The following SH3GL2 variants were observed in gnomAD, a reference collection of about 807,000 sequenced individuals.
SH3GL2 encodes endophilin-A1.
SH3GL2 carries 24 observed loss-of-function variants against 46.0 expected under a neutral mutation model. That is an observed-to-expected ratio of 0.52 (90% CI 0.38 to 0.73). The LOEUF is 0.73. SH3GL2 is among the 30% of genes least tolerant of loss of function. SH3GL2 has a pLI of 0.00. For missense variants in SH3GL2, 413 were observed against 424.2 expected, an observed-to-expected ratio of 0.97 and a Z score of 0.23; for synonymous variants, 196 against 147.1, an observed-to-expected ratio of 1.33 and a Z score of -2.40.
At chr9:17,636,255 C>T (rs1476445772) in intron 1 of SH3GL2, among the ~76,000 whole-genome samples, 1 of 152,116 alleles carries the variant, frequency 6.6e-6, no homozygotes, top group Non-Finnish European at 1.5e-5. Flanking sequence ...GGCCCTAGCA[C>T]AGAACTTGCC....
At position 17,640,979 on chromosome 9, in the gene SH3GL2, A is replaced by G. The variant is rs527696256; in HGVS notation, c.45+61692A>G. ...TGATAGAGATTATCTAAACTTAGGC[A>G]TAAATAATAAGTAAAACTCTGAATT... On this transcript the variant is annotated intron_variant, in intron 1 of 8. Coordinates refer to ENST00000380607, the MANE Select transcript of SH3GL2 (RefSeq NM_003026.5). 3.9e-5 allele frequency among the ~76,000 whole-genome samples: 6 copies of G among 152,346 alleles called. No homozygotes were observed. The South Asian group carries it at 1.2e-3, about 32-fold the overall frequency.
intron 1 of SH3GL2, among the ~76,000 whole-genome samples, chr9:17,672,508 G>A (rs994670580): frequency 1.3e-5 from 2 of 152,062 alleles, no homozygotes; most frequent in African/African-American, 4.8e-5. Context: ...AAAATTAGCT[G>A]GACTTAAGTA....
intron 1 of SH3GL2, among the ~76,000 whole-genome samples, chr9:17,644,313 G>C (rs1320683204): frequency 6.6e-6 from 1 of 151,656 alleles, no homozygotes; most frequent in African/African-American, 2.4e-5. Context: ...TTTTTCGAAG[G>C]GTTTTTTATC....
At chr9:17,648,527 C>G (rs1819881021) in intron 1 of SH3GL2, among the ~76,000 whole-genome samples, 1 of 152,088 alleles carries the variant, frequency 6.6e-6, no homozygotes, top group Non-Finnish European at 1.5e-5. Context: ...GGGTTTATTT[C>G]TTAGCATTGG....
intron 1 of SH3GL2, among the ~76,000 whole-genome samples, chr9:17,602,797 G>T (rs907444387): frequency 2.0e-5 from 3 of 152,062 alleles, no homozygotes; most frequent in Non-Finnish European, 4.4e-5. Flanking sequence ...TTCTATCACT[G>T]AAACATTCTC....
chr9:17,636,086 G>A (rs12553665), intron 1 of SH3GL2, among the ~76,000 whole-genome samples: 15,787 of 152,196 alleles, frequency 0.1, 943 homozygotes, highest in Admixed American at 0.16. Context: ...TATAACTGGA[G>A]TTAGATGTTG....
At chr9:17,643,408 C>T (rs1231996164) in intron 1 of SH3GL2, among the ~76,000 whole-genome samples, 1 of 152,170 alleles carries the variant, frequency 6.6e-6, no homozygotes, top group Non-Finnish European at 1.5e-5. Context: ...CTGGCCAGAA[C>T]TTCCAATACT....
chr9:17,783,969 T>C (rs1823884524), intron 3 of SH3GL2, among the ~76,000 whole-genome samples: 1 of 152,148 alleles, frequency 6.6e-6, no homozygotes, highest in East Asian at 1.9e-4. Context: ...AAACAATCAT[T>C]TAAAGATAAT....
At chr9:17,641,110 C>G (rs1015142371) in intron 1 of SH3GL2, among the ~76,000 whole-genome samples, 4 of 152,106 alleles carry the variant, frequency 2.6e-5, no homozygotes, top group Admixed American at 6.6e-5. Context: ...TATAAAGGAG[C>G]CTTTTTTGGG....
At chr9:17,754,058 A>G (rs951354893) in intron 2 of SH3GL2, among the ~76,000 whole-genome samples, 1 of 152,180 alleles carries the variant, frequency 6.6e-6, no homozygotes, top group Non-Finnish European at 1.5e-5. Flanking sequence ...TTGTACCAGT[A>G]CCATGCTGTT....
intron 3 of SH3GL2, among the ~76,000 whole-genome samples, chr9:17,769,060 T>C (rs995581673): frequency 6.6e-6 from 1 of 152,192 alleles, no homozygotes; most frequent in African/African-American, 2.4e-5. Context: ...CTCCATGTCT[T>C]CTCAAAGCCT....
intron 1 of SH3GL2, among the ~76,000 whole-genome samples, chr9:17,734,282 G>A (rs1006707555): frequency 2.0e-5 from 3 of 152,078 alleles, no homozygotes; most frequent in Non-Finnish European, 4.4e-5. Context: ...CATTTTGGAA[G>A]TTTACAGTCA....
At chr9:17,770,019 T>C (rs9407847) in intron 3 of SH3GL2, among the ~76,000 whole-genome samples, 15,462 of 152,226 alleles carry the variant, frequency 0.1, 851 homozygotes, top group Non-Finnish European at 0.11. Flanking sequence ...AATCAAATCA[T>C]GTGAAGCATA....
chr9:17,793,464 G>A lies in SH3GL2; in HGVS notation c.826G>A (p.Gly276Ser). 6.2e-7 allele frequency: 1 copy of A among 1,612,426 alleles called. No individual in the cohort carries two copies. The change falls in exon 8 of 9, where the codon GGT becomes AGT. Residue 276 changes from glycine to serine, a missense_variant. Gly to Ser is a moderately conservative substitution (Grantham distance 56). Around this residue, in one of 3 missense-constraint regions of SH3GL2, gnomAD observed 248 missense variants for 215.0 expected, o/e 1.15. Coordinates refer to ENST00000380607, the MANE Select transcript of SH3GL2 (RefSeq NM_003026.5). ...PTGDSTQPNG[G>S]LSHTGTPKPS... is the part of the protein sequence containing the mutation. ...TGGAGACAGTACTCAGCCCAATGGG[G>A]GTCTCTCCCACACAGGCACTCCCAA... is the stretch of plus-strand genomic sequence containing the variant.
chr9:17,606,538 T>G lies in SH3GL2; in HGVS notation c.45+27251T>G, dbSNP rs538333886. Among the ~76,000 whole-genome samples the G allele has an allele frequency of 9.2e-5, 14 of 152,320 alleles. 1 individual carries two copies. The highest frequency in any genetic ancestry group is 3.4e-4 in the African/African-American group (14 of 41,568). Reference sequence around the variant, plus strand: ...TGATATGAATGATGCTAATCTTGCTTCGATGGTCCATGGCTGTACCAGTTC... The same window carrying G: ...TGATATGAATGATGCTAATCTTGCTGCGATGGTCCATGGCTGTACCAGTTC... On this transcript the variant is annotated intron_variant, in intron 1 of 8. Coordinates refer to ENST00000380607, the MANE Select transcript of SH3GL2 (RefSeq NM_003026.5).
intron 1 of SH3GL2, chr9:17,589,197 A>C (rs1039560283): frequency 6.6e-6 from 1 of 152,192 alleles, no homozygotes; most frequent in Non-Finnish European, 1.5e-5. Context: ...GTGCCTTTTG[A>C]AACTGTCGTC....
intron 1 of SH3GL2, among the ~76,000 whole-genome samples, chr9:17,678,841 T>C (rs1455786271): frequency 6.6e-6 from 1 of 152,196 alleles, no homozygotes; most frequent in Non-Finnish European, 1.5e-5. Context: ...GTTTCGGCTT[T>C]CTCCATATGG....
At chr9:17,613,924 T>G (rs986358184) in intron 1 of SH3GL2, among the ~76,000 whole-genome samples, 1 of 152,172 alleles carries the variant, frequency 6.6e-6, no homozygotes, top group Non-Finnish European at 1.5e-5. Context: ...GCAAGCTGCC[T>G]GGTAAATCAA....
intron 1 of SH3GL2, among the ~76,000 whole-genome samples, chr9:17,599,183 T>C (rs1333495357): frequency 3.3e-5 from 5 of 152,186 alleles, no homozygotes; most frequent in Admixed American, 3.3e-4. Context: ...TAAAAGAGTG[T>C]AAAAAGAAAA....
Sources: allele counts gnomAD v4.1 joint callset (sites outside exome capture counted in the v4.1 genomes callset), GRCh38; gene constraint gnomAD v4.1.1; regional missense constraint gnomAD v4.1.1; transcripts MANE v1.5; gene names NCBI Gene and HGNC (gene_info 2026-07-23, HGNC 2026-07-21).